Variants in HOXA3 observed in about 807,000 individuals in gnomAD.
The protein encoded by HOXA3 is homeobox protein Hox-A3.
A neutral mutation model predicts 30.3 loss-of-function variants in HOXA3; 8 were observed. The ratio of observed to expected loss-of-function variants is 0.26; its 90% CI spans 0.15 to 0.48. The LOEUF is 0.48. Ranked by LOEUF, HOXA3 falls within the 20% of genes least tolerant of loss-of-function variation. HOXA3 has a pLI of 0.99. For missense variants in HOXA3, 653 were observed against 614.4 expected (o/e 1.06, Z -0.66); for synonymous variants, 323 against 273.1 (o/e 1.18, Z -1.80).
chr7:27,122,245 A>T (rs1275906346), intron 4 of HOXA3: 1 of 152,228 alleles, frequency 6.6e-6, no homozygotes, highest in Non-Finnish European at 1.5e-5. Context: ...CCTGAAGTTC[A>T]GTGTAGTGGT....
In HOXA3 at chr7:27,113,901, C is replaced by CG. The variant is rs1480952003; in HGVS notation, c.-120-3142dup. ...CCCACCCACCCCTCCCCCACACCCCCGCCCCCTGCCCTTCCCGAGGGCAGC... is the reference window on the plus strand; with the variant it reads ...CCCACCCACCCCTCCCCCACACCCCCGGCCCCCTGCCCTTCCCGAGGGCAGC... On this transcript the variant is annotated intron_variant, in intron 4 of 5. Transcript: ENST00000612286. The surrounding 1 kb of genome is among the most constrained non-coding windows in gnomAD (Gnocchi z 4.8). The CG allele has an allele frequency of 6.6e-6, 1 of 151,204 alleles. No homozygotes were observed. Among genetic ancestry groups the CG allele is most frequent in the Non-Finnish European group, 1.5e-5 (1 of 67,452 alleles). The allele number at this position is 151,204 out of a possible 1,614,324, so 9.4% of individuals were successfully genotyped here. A position where few individuals can be genotyped will look rare whatever the true frequency, so the allele number is the denominator to read the frequency against.
At chr7:27,134,464 A>G (rs994362725) in intron 2 of HOXA3, among the ~76,000 whole-genome samples, 4 of 152,234 alleles carry the variant, frequency 2.6e-5, no homozygotes, top group African/African-American at 9.6e-5. Flanking sequence ...AGAGGTATCT[A>G]TGGTTTTTGA....
chr7:27,126,330 G>GAGAA (rs1283413829), intron 3 of HOXA3, among the ~76,000 whole-genome samples: 2 of 152,094 alleles, frequency 1.3e-5, no homozygotes, highest in African/African-American at 4.8e-5. Flanking sequence ...TGGAGGGAGG[G>GAGAA]AGAAAGAGAG....
chr7:27,109,529 G>A (rs1396109385), intron 5 of HOXA3, among the ~76,000 whole-genome samples: 1 of 152,200 alleles, frequency 6.6e-6, no homozygotes, highest in Non-Finnish European at 1.5e-5. Flanking sequence ...CCGCTTTCAG[G>A]AGGCCCATGT....
rs149964084 is a variant in HOXA3 at position 27,143,527 on chromosome 7, A to G, written c.-493-3341T>C. Reference sequence around the variant, plus strand: ...CCCTGAATTGCTCGCTCACGGAACTATGATCTCCATAATTATGCAACTGGT... The same window carrying G: ...CCCTGAATTGCTCGCTCACGGAACTGTGATCTCCATAATTATGCAACTGGT... On this transcript the variant is annotated intron_variant, in intron 1 of 5. Coordinates refer to ENST00000612286, the MANE Select transcript of HOXA3 (RefSeq NM_153631.3). The G allele has an allele frequency of 4.0e-3, 6,530 of 1,613,792 alleles. 28 individuals carry two copies. Among genetic ancestry groups the G allele is most frequent in the Middle Eastern group, 6.3e-3 (38 of 6,062 alleles).
chr7:27,116,366 A>G (rs1162974477), intron 4 of HOXA3: 2 of 152,734 alleles, frequency 1.3e-5, no homozygotes, highest in African/African-American at 4.8e-5. Flanking sequence ...GTGGGTAAGA[A>G]GAGGCACCAA....
chr7:27,114,828 A>ATATATATTATAGATATTATATATAT (rs1784595729), intron 4 of HOXA3, among the ~76,000 whole-genome samples: 1 of 62,356 alleles, frequency 1.6e-5, no homozygotes, highest in Non-Finnish European at 3.2e-5. Flanking sequence ...TATATATATA[A>ATATATATTATAGATATTATATATAT]TATATATTAT....
rs577745578 is a variant in HOXA3 at position 27,134,512 on chromosome 7, C to G, written c.-390+5571G>C. 5.3e-5 allele frequency among the ~76,000 whole-genome samples: 8 copies of G among 152,278 alleles called. No individual in the cohort carries two copies. The South Asian group carries it at 1.7e-3, about 32-fold the overall frequency. ...TATAAGGTGTGTCACATGTTTTTAACCAAAAAGCACAATAAAAAGGTTTTT... is the reference window on the plus strand; with the variant it reads ...TATAAGGTGTGTCACATGTTTTTAAGCAAAAAGCACAATAAAAAGGTTTTT... On this transcript the variant is annotated intron_variant, in intron 2 of 5. Coordinates refer to ENST00000612286, the MANE Select transcript of HOXA3 (RefSeq NM_153631.3).
rs1325430560 is a variant in HOXA3 at position 27,142,929 on chromosome 7, C to G, written c.-493-2743G>C. 5 of 990,494 alleles carry G rather than the reference C, an allele frequency of 5.0e-6. No homozygotes were observed. The Admixed American group carries it at 7.9e-5, about 16-fold the overall frequency. The allele number at this position is 990,494 out of a possible 1,614,324, so 61.4% of individuals were successfully genotyped here. The stretch of plus-strand genomic sequence containing the variant: ...GGGAGGGAGAACGGCAAGGAGAGCT[C>G]CGCAGGGCTGGGAGAAATGAGACCA... On this transcript the variant is annotated intron_variant, in intron 1 of 5. Transcript: ENST00000612286.
At chr7:27,148,787 G>A (rs1020177831) in intron 1 of HOXA3, among the ~76,000 whole-genome samples, 3 of 152,264 alleles carry the variant, frequency 2.0e-5, no homozygotes, top group African/African-American at 7.2e-5. Flanking sequence ...GCTCAGAGCT[G>A]AGGCAGATAA....
At chr7:27,131,166 C>T (rs891011217) in intron 2 of HOXA3, among the ~76,000 whole-genome samples, 3 of 152,212 alleles carry the variant, frequency 2.0e-5, no homozygotes, top group African/African-American at 4.8e-5. Flanking sequence ...TACTGCTGGC[C>T]TAGGCCTCGG....
chr7:27,127,724 T>C (rs546661934), intron 2 of HOXA3, among the ~76,000 whole-genome samples: 1 of 152,290 alleles, frequency 6.6e-6, no homozygotes, highest in East Asian at 1.9e-4. Flanking sequence ...TTTCAGCCTT[T>C]TGGATCTAGA....
At chr7:27,137,136 C>T (rs1052476857) in intron 2 of HOXA3, among the ~76,000 whole-genome samples, 2 of 152,282 alleles carry the variant, frequency 1.3e-5, no homozygotes, top group African/African-American at 4.8e-5. Flanking sequence ...ATTTGCTTTC[C>T]ACTCACTAAT....
intron 5 of HOXA3, 81 bp downstream of exon 5, chr7:27,110,034 G>A: frequency 6.5e-7 from 1 of 1,527,522 alleles, no homozygotes; most frequent in South Asian, 1.1e-5. Context: ...ATCGCTCCTA[G>A]GCTGTGCTGG....
intron 4 of HOXA3, among the ~76,000 whole-genome samples, chr7:27,116,837 G>A (rs949703227): frequency 9.2e-5 from 14 of 152,134 alleles, no homozygotes; most frequent in African/African-American, 3.1e-4. Flanking sequence ...CACTTGAAAG[G>A]GCCTCAGTTA....
intron 3 of HOXA3, among the ~76,000 whole-genome samples, chr7:27,124,949 G>A (rs968200590): frequency 1.3e-5 from 2 of 152,136 alleles, no homozygotes; most frequent in African/African-American, 4.8e-5. Flanking sequence ...CCTGACATCT[G>A]TCCCCTCCTG....
At chr7:27,135,284 G>C (rs926983390) in intron 2 of HOXA3, among the ~76,000 whole-genome samples, 1 of 151,542 alleles carries the variant, frequency 6.6e-6, no homozygotes, top group African/African-American at 2.4e-5. Flanking sequence ...GTTATTTGTG[G>C]ATTTCACCTT....
rs948432829 is a variant in HOXA3 at position 27,113,262 on chromosome 7, G to A, written c.-120-2502C>T. 4.6e-5 allele frequency among the ~76,000 whole-genome samples: 7 copies of A among 152,208 alleles called. No individual in the cohort carries two copies. Among genetic ancestry groups the A allele is most frequent in the Admixed American group, 3.3e-4 (5 of 15,286 alleles). On this transcript the variant is annotated intron_variant, in intron 4 of 5. Coordinates refer to ENST00000612286, the MANE Select transcript of HOXA3 (RefSeq NM_153631.3). This position sits in a 1 kb window ranked among gnomAD's most constrained non-coding sequence, Gnocchi z 4.8. Reference sequence around the variant, plus strand: ...AAGCCCTATTGTCTCTCTGGAAGATGTGCCCAAATTCAACCTCCGTCCTTC... The same window carrying A: ...AAGCCCTATTGTCTCTCTGGAAGATATGCCCAAATTCAACCTCCGTCCTTC...
At position 27,110,233 on chromosome 7, in the gene HOXA3, G is replaced by GGTA; in HGVS notation, c.405_407dup (p.Thr136dup). ...GGGGGCTCTTGGCCGCGTTGGCAGG[G>GGTA]GTAGGGTTGTTGCTGGCATTCTGAG... On this transcript the variant is annotated inframe_insertion, in exon 5 of 6. Transcript: ENST00000612286. The GGTA allele has an allele frequency of 1.2e-6, 2 of 1,614,120 alleles. No individual in the cohort carries two copies. Among genetic ancestry groups the GGTA allele is most frequent in the South Asian group, 2.2e-5 (2 of 91,072 alleles).
Sources: allele counts gnomAD v4.1 joint callset (sites outside exome capture counted in the v4.1 genomes callset), GRCh38; gene constraint gnomAD v4.1.1; non-coding constraint Gnocchi (gnomAD v3.1); transcripts MANE v1.5; gene names NCBI Gene and HGNC (gene_info 2026-07-23, HGNC 2026-07-21).